PRICKLE2: variants seen among roughly 807,000 people sequenced by gnomAD.
PRICKLE2 encodes prickle-like protein 2.
Under a neutral mutation model 81.4 loss-of-function variants are expected in PRICKLE2, and 21 were observed. That is an observed-to-expected ratio of 0.26 (90% confidence interval 0.18 to 0.37). PRICKLE2 has a LOEUF of 0.37. Ranked by LOEUF, PRICKLE2 falls within the 10% of genes least tolerant of loss-of-function variation. The pLI, the probability that PRICKLE2 is intolerant of heterozygous loss-of-function variation, is 1.00. For synonymous variants in PRICKLE2, 456 were observed against 421.5 expected (o/e 1.08, Z -1.00); for missense variants, 940 against 1,109.0 (o/e 0.85, Z 2.16).
upstream of PRICKLE2, among the ~76,000 whole-genome samples, chr3:64,230,095 C>T (rs570101405): frequency 2.0e-5 from 3 of 152,240 alleles, no homozygotes; most frequent in South Asian, 6.2e-4. Context: ...ACTGAAGAGG[C>T]TTTTAGGTGC....
At chr3:64,233,963 A>G (rs2079143174) in intron 2 of PRICKLE2, among the ~76,000 whole-genome samples, 1 of 152,122 alleles carries the variant, frequency 6.6e-6, no homozygotes, top group African/African-American at 2.4e-5. Flanking sequence ...CTCTTCACCT[A>G]GTGTATTTTT....
chr3:64,241,490 A>G (rs2079264629), intron 2 of PRICKLE2, among the ~76,000 whole-genome samples: 1 of 152,252 alleles, frequency 6.6e-6, no homozygotes, highest in South Asian at 2.1e-4. Flanking sequence ...TTATGTACTT[A>G]TGTGTGCATG....
chr3:64,104,113 C>T (rs544753486), intron 7 of PRICKLE2, among the ~76,000 whole-genome samples: 73 of 152,338 alleles, frequency 4.8e-4, no homozygotes, highest in African/African-American at 1.4e-3. Flanking sequence ...GTTTCAATTT[C>T]GTTCCTGGGA....
chr3:64,212,178 T>C (rs1332130672), intron 1 of PRICKLE2, among the ~76,000 whole-genome samples: 3 of 152,188 alleles, frequency 2.0e-5, no homozygotes, highest in African/African-American at 7.2e-5. Context: ...CTGTGGGGTA[T>C]CTAGAAAAGC....
intron 7 of PRICKLE2, among the ~76,000 whole-genome samples, chr3:64,136,356 C>A (rs2077279106): frequency 6.6e-6 from 1 of 151,286 alleles, no homozygotes; most frequent in Non-Finnish European, 1.5e-5. Flanking sequence ...CCTATGAGTT[C>A]TCTGGGGGTG....
intron 7 of PRICKLE2, among the ~76,000 whole-genome samples, chr3:64,114,868 A>C (rs1449861941): frequency 6.6e-6 from 1 of 151,930 alleles, no homozygotes; most frequent in Admixed American, 6.6e-5. Context: ...GATACTTCAA[A>C]AGAAGATTAT....
chr3:64,249,424 C>A (rs1268228348), intron 2 of PRICKLE2, among the ~76,000 whole-genome samples: 1 of 152,116 alleles, frequency 6.6e-6, no homozygotes, highest in African/African-American at 2.4e-5. Context: ...GGACACAGAG[C>A]CAAACCATAT....
At position 64,157,171 on chromosome 3, in the gene PRICKLE2, G is replaced by A; in HGVS notation, c.591C>T (p.Ala197=). The change falls in exon 5 of 8, where the codon GCC becomes GCT. Residue 197 remains alanine (A), a synonymous_variant. Coordinates refer to ENST00000638394, the MANE Select transcript of PRICKLE2 (RefSeq NM_198859.4). ...TGGAGTTTGCTCTAACCTCATCGCA[G>A]GCAGCACAGCGCGGCTTCAGGCACT... is the stretch of plus-strand genomic sequence containing the variant. ...HAECLKPRCA[A]CDEIIFADEC... 1 of 1,614,030 alleles carries A rather than the reference G, an allele frequency of 6.2e-7. No individual in the cohort carries two copies. The highest frequency in any genetic ancestry group is 8.5e-7 in the Non-Finnish European group (1 of 1,179,882).
At chr3:64,253,539 C>G (rs1299594414) in intron 2 of PRICKLE2, among the ~76,000 whole-genome samples, 1 of 152,146 alleles carries the variant, frequency 6.6e-6, no homozygotes, top group Admixed American at 6.5e-5. Flanking sequence ...GTTCACTACT[C>G]TAGATGATGA....
At chr3:64,107,955 TTTC>T (rs2076781927) in intron 7 of PRICKLE2, among the ~76,000 whole-genome samples, 1 of 152,248 alleles carries the variant, frequency 6.6e-6, no homozygotes, top group Non-Finnish European at 1.5e-5. Flanking sequence ...TGATTTTTAT[TTTC>T]TTTTTTGCTG....
intron 1 of PRICKLE2, among the ~76,000 whole-genome samples, chr3:64,223,782 A>G (rs544660532): frequency 6.6e-4 from 101 of 152,282 alleles, no homozygotes; most frequent in African/African-American, 2.2e-3. Context: ...ATCCTGACCC[A>G]TCTGTGAAAG....
chr3:64,234,281 A>G (rs2079148923), intron 2 of PRICKLE2, among the ~76,000 whole-genome samples: 1 of 144,830 alleles, frequency 6.9e-6, no homozygotes, highest in African/African-American at 2.5e-5. Flanking sequence ...CATTCTCACA[A>G]GTGATATCTG....
rs1299071225 is a variant in PRICKLE2, at chr3:64,170,690, C to A, written c.145-7561G>T. The stretch of plus-strand genomic sequence containing the variant: ...GCCTGGGAAACAAAGGTAGACCATG[C>A]CTCTAGAAACATTAAAAAAAAAAAA... On this transcript the variant is annotated intron_variant, in intron 2 of 7. Coordinates refer to ENST00000638394, the MANE Select transcript of PRICKLE2 (RefSeq NM_198859.4). 1.4e-5 allele frequency among the ~76,000 whole-genome samples: 2 copies of A among 147,054 alleles called. 1 individual carries two copies. The highest frequency in any genetic ancestry group is 1.4e-4 in the Admixed American group (2 of 14,614).
intron 7 of PRICKLE2, among the ~76,000 whole-genome samples, chr3:64,109,352 T>A (rs2076806920): frequency 6.6e-6 from 1 of 152,202 alleles, no homozygotes; most frequent in South Asian, 2.1e-4. Context: ...TCCTGGCAGG[T>A]TTGAAGCTTT....
At chr3:64,225,657 C>A (rs956210212), upstream of PRICKLE2, among the ~76,000 whole-genome samples, 5 of 151,952 alleles carry the variant, frequency 3.3e-5, no homozygotes, top group Admixed American at 1.3e-4. Context: ...AGCTACGTAA[C>A]CTCCAAATGA....
intron 7 of PRICKLE2, among the ~76,000 whole-genome samples, chr3:64,117,241 A>T (rs1658217194): frequency 6.6e-6 from 1 of 152,214 alleles, no homozygotes; most frequent in African/African-American, 2.4e-5. Context: ...CATAGCCACC[A>T]CCATACTGAA....
At chr3:64,117,389 T>G (rs769955005) in intron 7 of PRICKLE2, among the ~76,000 whole-genome samples, 1 of 152,030 alleles carries the variant, frequency 6.6e-6, no homozygotes, top group Non-Finnish European at 1.5e-5. Context: ...GCACTCCAAA[T>G]AGGAAGAGGG....
chr3:64,242,824 C>G (rs116817319), intron 2 of PRICKLE2, among the ~76,000 whole-genome samples: 3 of 152,226 alleles, frequency 2.0e-5, no homozygotes, highest in Admixed American at 6.5e-5. Flanking sequence ...AAGAGTGTAC[C>G]TGGTCATCTG....
At chr3:64,190,310 A>G (rs944415690) in intron 2 of PRICKLE2, 1 of 152,156 alleles carries the variant, frequency 6.6e-6, no homozygotes, top group African/African-American at 2.4e-5. Flanking sequence ...TTAAGTGAGA[A>G]GCAACTTGTA....
Sources: gnomAD v4.1 joint callset for allele counts (sites outside exome capture counted in the v4.1 genomes callset) on GRCh38, gnomAD v4.1.1 for gene constraint, MANE v1.5 for transcripts, NCBI Gene and HGNC (gene_info 2026-07-23, HGNC 2026-07-21) for gene names.